The following KLHL4 variants were observed in gnomAD, a reference collection of about 807,000 sequenced individuals.
KLHL4 encodes the protein kelch like family member 4, also known as kelch-like protein 4.
In KLHL4, 17 loss-of-function variants were observed where a neutral mutation model predicts 45.8. The observed-to-expected ratio is 0.37, with a 90% CI of 0.25 to 0.56. KLHL4 has a LOEUF of 0.56. Ranked by LOEUF, KLHL4 falls within the 20% of genes least tolerant of loss-of-function variation. The pLI, the probability that KLHL4 is intolerant of heterozygous loss-of-function variation, is 0.79. For missense variants in KLHL4, 544 were observed against 544.9 expected (o/e 1.00, Z 0.02); for synonymous variants, 224 against 189.9 (o/e 1.18, Z -1.47).
intron 1 of KLHL4, among the ~76,000 whole-genome samples, chrX:87,518,822 CG>C (rs1454310337): frequency 9.0e-6 from 1 of 111,723 alleles, no homozygotes; most frequent in Non-Finnish European, 1.9e-5. Context: ...GAATATTTGG[CG>C]TTCGGAGACT....
intron 1 of KLHL4, among the ~76,000 whole-genome samples, chrX:87,561,331 G>A (rs975915768): frequency 5.4e-5 from 6 of 110,930 alleles, no homozygotes; most frequent in Non-Finnish European, 1.1e-4. Context: ...ATTGCCCACG[G>A]TGCCACATTG....
At chrX:87,638,908 T>A (rs1243681356) in intron 9 of KLHL4, among the ~76,000 whole-genome samples, 3 of 111,382 alleles carry the variant, frequency 2.7e-5, no homozygotes, top group Non-Finnish European at 5.7e-5. Context: ...ATGGCAAAAT[T>A]GATAAGAACT....
intron 1 of KLHL4, among the ~76,000 whole-genome samples, chrX:87,541,959 A>G (rs1931569846): frequency 8.9e-6 from 1 of 112,105 alleles, no homozygotes; most frequent in African/African-American, 3.2e-5. Context: ...TGCGGAACTC[A>G]TTGGGAACTA....
intron 9 of KLHL4, among the ~76,000 whole-genome samples, chrX:87,645,645 C>T (rs1341144101): frequency 1.8e-5 from 2 of 111,506 alleles, no homozygotes; most frequent in Non-Finnish European, 3.8e-5. Context: ...ACTGTGGAAC[C>T]AACCCAGATA....
intron 1 of KLHL4, among the ~76,000 whole-genome samples, chrX:87,570,625 G>GTGA (rs1352383998): frequency 3.7e-5 from 4 of 108,579 alleles, no homozygotes; most frequent in African/African-American, 1.3e-4. Flanking sequence ...AAGAAGGAGA[G>GTGA]TTATCACATG....
intron 1 of KLHL4, among the ~76,000 whole-genome samples, chrX:87,546,523 A>G (rs1399544325): frequency 8.9e-6 from 1 of 112,599 alleles, no homozygotes; most frequent in Non-Finnish European, 1.9e-5. Context: ...AAACTCTGTC[A>G]GGGCAGTGCA....
At chrX:87,626,904 C>T (rs1031056360) in intron 6 of KLHL4, among the ~76,000 whole-genome samples, 2 of 111,585 alleles carry the variant, frequency 1.8e-5, no homozygotes, top group Admixed American at 1.9e-4. Context: ...ATTTTCATTT[C>T]CATGCTAGTA....
chrX:87,536,223 T>G (rs1011424319), intron 1 of KLHL4, among the ~76,000 whole-genome samples: 1 of 111,638 alleles, frequency 9.0e-6, no homozygotes. Flanking sequence ...ACAAGTTCTC[T>G]GAAAATTAAC....
intron 1 of KLHL4, among the ~76,000 whole-genome samples, chrX:87,553,325 A>G: frequency 9.0e-6 from 1 of 111,074 alleles, no homozygotes; most frequent in Admixed American, 9.6e-5. Context: ...TTCAAATGTT[A>G]TCAATCAATA....
At chrX:87,626,467 A>T (rs1176383093) in intron 6 of KLHL4, among the ~76,000 whole-genome samples, 1 of 111,051 alleles carries the variant, frequency 9.0e-6, no homozygotes, top group Non-Finnish European at 1.9e-5. Flanking sequence ...AATCAGATGC[A>T]TATTTGTCTC....
chrX:87,644,241 C>T (rs1199486978), intron 9 of KLHL4, among the ~76,000 whole-genome samples: 1 of 111,528 alleles, frequency 9.0e-6, no homozygotes, highest in Non-Finnish European at 1.9e-5. Context: ...ACCAGTAGCT[C>T]TTCTATACAC....
intron 9 of KLHL4, among the ~76,000 whole-genome samples, chrX:87,638,742 A>G (rs1178440090): frequency 8.9e-6 from 1 of 111,842 alleles, no homozygotes; most frequent in Non-Finnish European, 1.9e-5. Flanking sequence ...GAGTCTCCTT[A>G]AAGTATACAT....
chrX:87,632,089 T>C (rs1923113928), intron 6 of KLHL4, 121 bp from the exon 7 acceptor site: 2 of 443,145 alleles, frequency 4.5e-6, no homozygotes, highest in Admixed American at 8.5e-5. Flanking sequence ...ACTTACTTAA[T>C]TTGAATTGTA....
At chrX:87,613,203 CAATT>C (rs1251018121) in intron 1 of KLHL4, among the ~76,000 whole-genome samples, 1 of 111,725 alleles carries the variant, frequency 9.0e-6, no homozygotes, top group Non-Finnish European at 1.9e-5. Context: ...TCTTATCAAT[CAATT>C]GTTCATCTCC....
chrX:87,566,651 G>A (rs1391303530), intron 1 of KLHL4, among the ~76,000 whole-genome samples: 1 of 111,524 alleles, frequency 9.0e-6, no homozygotes, highest in Non-Finnish European at 1.9e-5. Flanking sequence ...CCATCATAAA[G>A]TTGAAAAATC....
At chrX:87,606,108 C>T (rs954501779) in intron 1 of KLHL4, among the ~76,000 whole-genome samples, 4 of 111,550 alleles carry the variant, frequency 3.6e-5, no homozygotes, top group Non-Finnish European at 7.6e-5. Flanking sequence ...ATGTCTTTAA[C>T]GTGCTGTTGA....
Position 87,666,921 on chromosome X carries a change from T to TA in KLHL4, c.*393dup, listed in dbSNP as rs1397820957. 8.7e-6 allele frequency: 6 copies of TA among 687,075 alleles called. No individual in the cohort carries two copies. The highest frequency in any genetic ancestry group is 7.7e-5 in the South Asian group (1 of 13,026). 56.6% of individuals were successfully genotyped at this position (687,075 alleles called of 1,213,427 possible). ...GTTAAAAACATTTTCAGTTTTTTTT[T>TA]AAAAAACGTACTCTTATTATCTGGA... is the stretch of plus-strand genomic sequence containing the variant. On this transcript the variant is annotated 3_prime_UTR_variant, in exon 11 of 11. Transcript: ENST00000373119.
At chrX:87,539,567 A>ATT (rs1931508352) in intron 1 of KLHL4, among the ~76,000 whole-genome samples, 1 of 110,462 alleles carries the variant, frequency 9.1e-6, no homozygotes, top group Non-Finnish European at 1.9e-5. Context: ...CTCTAGGATT[A>ATT]TTATATATAT....
In KLHL4 at chrX:87,580,327, G is replaced by GA. The variant is rs368064169; in HGVS notation, c.423-33539dup. Among the ~76,000 whole-genome samples the GA allele has an allele frequency of 7.2e-3, 693 of 96,328 alleles. 3 individuals carry two copies. Among genetic ancestry groups the GA allele is most frequent in the African/African-American group, 0.02 (535 of 26,508 alleles). The allele number at this position is 96,328 out of a possible 115,157, so 83.6% of individuals were successfully genotyped here. A position where few individuals can be genotyped will look rare whatever the true frequency, so the allele number is the denominator to read the frequency against. The stretch of plus-strand genomic sequence containing the variant: ...AGAGAAACAGAATAATTGCAAGACA[G>GA]AAAAAAAAAAACCAACAAAATTGCA... On this transcript the variant is annotated intron_variant, in intron 1 of 10. Coordinates refer to ENST00000373119, the MANE Select transcript of KLHL4 (RefSeq NM_019117.5).
Sources: allele counts gnomAD v4.1 joint callset (sites outside exome capture counted in the v4.1 genomes callset), GRCh38; gene constraint gnomAD v4.1.1; transcripts MANE v1.5; gene names NCBI Gene and HGNC (gene_info 2026-07-23, HGNC 2026-07-21).